Variants in ELOA observed in about 807,000 individuals in gnomAD.
ELOA encodes the protein elongin A.
A neutral mutation model predicts 85.2 loss-of-function variants in ELOA; 15 were observed. The observed-to-expected ratio is 0.18, with a 90% CI of 0.12 to 0.27. The LOEUF (loss-of-function observed/expected upper bound fraction) is 0.27, where lower values mean the gene tolerates loss of function less well. ELOA is among the 10% of genes least tolerant of loss of function. The pLI is 1.00. For synonymous variants in ELOA, 348 were observed against 357.2 expected (o/e 0.97, Z 0.29); for missense variants, 769 against 952.7 (o/e 0.81, Z 2.54).
Position 23,761,683 on chromosome 1 carries a change from C to G in ELOA, c.*2110C>G, listed in dbSNP as rs1638296254. The G allele has an allele frequency of 2.6e-5, 4 of 152,092 alleles. No homozygotes were observed. The highest frequency in any genetic ancestry group is 2.1e-4 in the South Asian group (1 of 4,820). 9.4% of individuals were successfully genotyped at this position (152,092 alleles called of 1,614,324 possible). ...CCCAATTTCTAAATGACCTCCTTGC[C>G]CAGCTTACTAAAATGGCTGCAGAGC... On this transcript the variant is annotated 3_prime_UTR_variant, in exon 11 of 11. Coordinates refer to ENST00000613537, the MANE Select transcript of ELOA (RefSeq NM_003198.3).
intron 9 of ELOA, 42 bp downstream of exon 9, chr1:23,756,427 C>A: frequency 1.3e-6 from 2 of 1,508,188 alleles, no homozygotes; most frequent in Non-Finnish European, 1.8e-6. Flanking sequence ...TGCTATCAAC[C>A]CTTAGAGGTA....
chr1:23,747,736 T>G (rs1181974732), intron 1 of ELOA, among the ~76,000 whole-genome samples: 2 of 152,224 alleles, frequency 1.3e-5, no homozygotes, highest in Non-Finnish European at 2.9e-5. Context: ...ACTCCCTAGA[T>G]ATGCCACTTG....
chr1:23,758,093 T>C (rs182566224), intron 10 of ELOA, among the ~76,000 whole-genome samples: 2 of 151,766 alleles, frequency 1.3e-5, no homozygotes, highest in Admixed American at 1.3e-4. Context: ...CTCTTCTTTT[T>C]TCACCTAAAT....
intron 10 of ELOA, among the ~76,000 whole-genome samples, chr1:23,758,908 G>A (rs1455159943): frequency 6.6e-6 from 1 of 152,156 alleles, no homozygotes; most frequent in Non-Finnish European, 1.5e-5. Context: ...ATGGCCTTTA[G>A]AGTCTGGCAA....
Position 23,750,883 on chromosome 1 carries a change from A to G in ELOA, c.278A>G (p.Asn93Ser), listed in dbSNP as rs771664345. 1.2e-5 allele frequency: 19 copies of G among 1,604,726 alleles called. No homozygotes were observed. In the South Asian group the frequency reaches 1.7e-4, roughly 14 times the overall value. ...EPDEQDFEKS[N>S]SRKRPRDALQ... is the part of the protein sequence containing the mutation. ...GATGAACAGGACTTTGAGAAGAGCA[A>G]TTCCCGAAAGCGCCCTCGGGATGCC... The change falls in exon 4 of 11, where the codon AAT (asparagine) becomes AGT (serine). Residue 93 changes from asparagine to serine, a missense_variant. Physicochemically the swap from Asn to Ser is conservative, Grantham distance 46. This residue lies in a region of ELOA where 440 missense variants were observed against 474.0 expected (regional missense o/e 0.93). Transcript: ENST00000613537.
In ELOA at chr1:23,756,939, G is replaced by T. The variant is rs1379912973; in HGVS notation, c.2085-14G>T. ...CTTGTGCTCATGCCTAACCAGTGTT[G>T]TCCTGTGTTGCAGGATCAAGCCAGC... On this transcript the variant is annotated splice_polypyrimidine_tract_variant and intron_variant, in intron 9 of 10. Coordinates refer to ENST00000613537, the MANE Select transcript of ELOA (RefSeq NM_003198.3). The T allele has an allele frequency of 6.7e-7, 1 of 1,485,030 alleles. No individual in the cohort carries two copies. The allele number at this position is 1,485,030 out of a possible 1,614,324, so 92.0% of individuals were successfully genotyped here.
At chr1:23,758,259 ATT>A (rs1162019928) in intron 10 of ELOA, among the ~76,000 whole-genome samples, 51 of 41,944 alleles carry the variant, frequency 1.2e-3, no homozygotes, top group African/African-American at 3.4e-3. Context: ...TTATTTATTT[ATT>A]TTTTTTTTTT....
chr1:23,746,104 C>T (rs1644744762), intron 1 of ELOA, among the ~76,000 whole-genome samples: 1 of 151,892 alleles, frequency 6.6e-6, no homozygotes, highest in African/African-American at 2.4e-5. Flanking sequence ...GCCTGGCCAA[C>T]ATGGTGAAAC....
rs528858561 is a variant in ELOA, at chr1:23,743,928, C to T, written c.75+350C>T. ...GCCCGGGGCGGGAGGGCGCTGGCCGCCGCCTCGTTGGCCTCCCGGTGCCTG... is the reference window on the plus strand; with the variant it reads ...GCCCGGGGCGGGAGGGCGCTGGCCGTCGCCTCGTTGGCCTCCCGGTGCCTG... On this transcript the variant is annotated intron_variant, in intron 1 of 10. Transcript: ENST00000613537. 14 of 183,726 alleles carry T rather than the reference C, an allele frequency of 7.6e-5. No individual in the cohort carries two copies. The South Asian group carries it at 1.3e-3, about 18-fold the overall frequency. 11.4% of individuals were successfully genotyped at this position (183,726 alleles called of 1,614,324 possible). A position where few individuals can be genotyped will look rare whatever the true frequency, so the allele number is the denominator to read the frequency against.
In ELOA at chr1:23,752,041, C is replaced by CA; in HGVS notation, c.1425+12dup. 1 of 1,579,006 alleles carries CA rather than the reference C, an allele frequency of 6.3e-7. No individual in the cohort carries two copies. The highest frequency in any genetic ancestry group is 8.6e-7 in the Non-Finnish European group (1 of 1,168,474). Reference sequence around the variant, plus strand: ...GCCAAGCTGAGAAAGGTAACCCCTTCAGCCCCTTGGTGGCTTCCCACCCAG... The same window carrying CA: ...GCCAAGCTGAGAAAGGTAACCCCTTCAAGCCCCTTGGTGGCTTCCCACCCAG... On this transcript the variant is annotated intron_variant, in intron 4 of 10. Transcript: ENST00000613537.
rs776537116 is a variant in ELOA, at chr1:23,754,251, C to T, written c.1689C>T (p.Ile563=). 21 of 1,614,032 alleles carry T rather than the reference C, an allele frequency of 1.3e-5. No homozygotes were observed. The highest frequency in any genetic ancestry group is 2.2e-5 in the South Asian group (2 of 91,082). Residue 563 remains isoleucine, a synonymous_variant, in exon 6 of 11, where the codon ATC becomes ATT. Coordinates refer to ENST00000613537, the MANE Select transcript of ELOA (RefSeq NM_003198.3). ...GCATCCGAGTACTTAAAAACAACAT[C>T]GATTGTAAGTCACACGCTTCTCTCT... ...QQCIRVLKNN[I]DSIFEVGGVP...
rs1260040416 is a variant in ELOA, at chr1:23,758,252, TTTATTTA to T, written c.2257+1130_2257+1136del. On this transcript the variant is annotated intron_variant, in intron 10 of 10. Coordinates refer to ENST00000613537, the MANE Select transcript of ELOA (RefSeq NM_003198.3). ...ATATCTAATTGGGTCTTCCAATTTA[TTTATTTA>T]TTTTTTTTTTTTTTTTTTTTTTTTT... 2.3e-3 allele frequency among the ~76,000 whole-genome samples: 133 copies of T among 57,202 alleles called. 5 individuals are homozygous for T. The highest frequency in any genetic ancestry group is 9.8e-3 in the Middle Eastern group (1 of 102). 37.5% of individuals were successfully genotyped at this position (57,202 alleles called of 152,430 possible). A position where few individuals can be genotyped will look rare whatever the true frequency, so the allele number is the denominator to read the frequency against.
intron 2 of ELOA, 146 bp downstream of exon 2, chr1:23,749,223 A>G (rs1056580643): frequency 5.4e-6 from 4 of 735,614 alleles, no homozygotes; most frequent in Non-Finnish European, 9.1e-6. Flanking sequence ...TTCCATTTAT[A>G]TGAAATGTCC....
chr1:23,746,778 T>C (rs1644749165), intron 1 of ELOA, among the ~76,000 whole-genome samples: 1 of 152,200 alleles, frequency 6.6e-6, no homozygotes, highest in Non-Finnish European at 1.5e-5. Context: ...CTTGCAAATG[T>C]TTGATATTTC....
chr1:23,756,412 T>G, intron 9 of ELOA, 27 bp downstream of exon 9: 2 of 1,543,784 alleles, frequency 1.3e-6, no homozygotes, highest in Non-Finnish European at 1.8e-6. Flanking sequence ...TACCTGGCTT[T>G]TGTGTGCTAT....
At chr1:23,752,178 G>A in intron 4 of ELOA, 148 bp downstream of exon 4, 2 of 877,268 alleles carry the variant, frequency 2.3e-6, no homozygotes, top group Non-Finnish European at 3.5e-6. Flanking sequence ...GGCTTCACTG[G>A]TTGTCAGGGT....
At position 23,758,207 on chromosome 1, in the gene ELOA, C is replaced by G. The variant is rs948523702; in HGVS notation, c.2257+1082C>G. Among the ~76,000 whole-genome samples the G allele has an allele frequency of 5.7e-5, 8 of 141,232 alleles. No individual in the cohort carries two copies. In the Admixed American group the frequency reaches 5.7e-4, roughly 10 times the overall value. The allele number at this position is 141,232 out of a possible 152,430, so 92.7% of individuals were successfully genotyped here. A position where few individuals can be genotyped will look rare whatever the true frequency, so the allele number is the denominator to read the frequency against. ...TTTTTTTATAGTCTTATAACTCTAG[C>G]TTCCAAATATTTATTCTTTATATCT... On this transcript the variant is annotated intron_variant, in intron 10 of 10. Coordinates refer to ENST00000613537, the MANE Select transcript of ELOA (RefSeq NM_003198.3).
intron 5 of ELOA, 90 bp from the exon 6 acceptor site, chr1:23,754,010 A>T: frequency 6.7e-7 from 1 of 1,491,252 alleles, no homozygotes; most frequent in South Asian, 1.3e-5. Context: ...GTGGATTGCC[A>T]TTGGGAAAGG....
chr1:23,758,312 C>T (rs1638241158), intron 10 of ELOA, among the ~76,000 whole-genome samples: 1 of 97,964 alleles, frequency 1.0e-5, no homozygotes, highest in Non-Finnish European at 1.9e-5. Flanking sequence ...CTCACTCTGT[C>T]GCCTGGGCTG....
Sources: gnomAD v4.1 joint callset for allele counts (sites outside exome capture counted in the v4.1 genomes callset) on GRCh38, gnomAD v4.1.1 for gene constraint, gnomAD v4.1.1 regional missense constraint, MANE v1.5 for transcripts, NCBI Gene and HGNC (gene_info 2026-07-23, HGNC 2026-07-21) for gene names.